The following ACOT7 variants were observed in gnomAD, a reference collection of about 807,000 sequenced individuals.
ACOT7 encodes acyl-CoA thioesterase 7.
Under a neutral mutation model 40.2 loss-of-function variants are expected in ACOT7, and 12 were observed. That is an observed-to-expected ratio of 0.30 (90% CI 0.19 to 0.48). The LOEUF (loss-of-function observed/expected upper bound fraction) is 0.48, where lower values mean the gene tolerates loss of function less well. Among genes scored for constraint, ACOT7 ranks in the 20% least tolerant of loss-of-function variants. ACOT7 has a pLI of 0.99. For synonymous variants in ACOT7, 228 were observed against 219.5 expected, an observed-to-expected ratio of 1.04 and a Z score of -0.34; for missense variants, 395 against 530.8, an observed-to-expected ratio of 0.74 and a Z score of 2.51.
At chr1:6,326,931 CAA>C (rs1163224507) in intron 5 of ACOT7, among the ~76,000 whole-genome samples, 21 of 61,124 alleles carry the variant, frequency 3.4e-4, no homozygotes, top group Admixed American at 3.7e-4. Flanking sequence ...GACTCCAACT[CAA>C]AAAAAAAAAA....
At chr1:6,283,430 G>A (rs1639410737) in intron 7 of ACOT7, among the ~76,000 whole-genome samples, 1 of 152,140 alleles carries the variant, frequency 6.6e-6, no homozygotes, top group Admixed American at 6.5e-5. Flanking sequence ...CCAAATTGCT[G>A]GGATTATAAT....
intron 6 of ACOT7, among the ~76,000 whole-genome samples, chr1:6,297,061 C>T (rs945991708): frequency 7.9e-5 from 12 of 151,158 alleles, no homozygotes; most frequent in Admixed American, 1.3e-4. Flanking sequence ...TTTTTTGACG[C>T]GGAGTCTCGC....
rs555394510 is a variant in ACOT7, at chr1:6,284,647, G to A, written c.830-3361C>T. On this transcript the variant is annotated intron_variant, in intron 7 of 8. Transcript: ENST00000361521. ...GGCACTTTGTCAACCCCAGGATGGC[G>A]GCTGAGGCGCACACCAAATCCTCTC... Among the ~76,000 whole-genome samples, 39 of 151,130 alleles carry A rather than the reference G, an allele frequency of 2.6e-4. No homozygotes were observed. The Middle Eastern group carries it at 0.01, about 41-fold the overall frequency.
intron 1 of ACOT7, chr1:6,385,917 G>T: frequency 9.1e-7 from 1 of 1,103,456 alleles, no homozygotes; most frequent in Non-Finnish European, 1.2e-6. Flanking sequence ...CCATGACTCG[G>T]CCTGAACTCA....
At chr1:6,335,587 G>A (rs534964150) in intron 3 of ACOT7, among the ~76,000 whole-genome samples, 1 of 152,320 alleles carries the variant, frequency 6.6e-6, no homozygotes, top group South Asian at 2.1e-4. Flanking sequence ...AAGGGAGACA[G>A]GAGCAGCCCC....
intron 7 of ACOT7, among the ~76,000 whole-genome samples, chr1:6,287,229 C>T (rs1639529217): frequency 6.6e-6 from 1 of 152,258 alleles, no homozygotes; most frequent in African/African-American, 2.4e-5. Context: ...CTTCATCACT[C>T]ACACTCGAGG....
intron 6 of ACOT7, 51 bp from the exon 7 acceptor site, chr1:6,295,031 A>G: frequency 2.1e-6 from 3 of 1,414,430 alleles, no homozygotes; most frequent in Non-Finnish European, 3.0e-6. Context: ...AGAGGAGATT[A>G]TTTCACACCC....
chr1:6,378,003 G>C (rs1642266323), intron 1 of ACOT7, among the ~76,000 whole-genome samples: 1 of 152,166 alleles, frequency 6.6e-6, no homozygotes, highest in African/African-American at 2.4e-5. Flanking sequence ...CTGGGAGGTG[G>C]AGCTTGCAGT....
rs1640168793 is a variant in ACOT7 at position 6,306,784 on chromosome 1, G to A, written c.712+11708C>T. Reference sequence around the variant, plus strand: ...CAACACTGAGGGTCTGGTGTGTTGTGTCCCACGTAGCAGTGGGGGCTCCGG... The same window carrying A: ...CAACACTGAGGGTCTGGTGTGTTGTATCCCACGTAGCAGTGGGGGCTCCGG... On this transcript the variant is annotated intron_variant, in intron 6 of 8. Coordinates refer to ENST00000361521, the MANE Select transcript of ACOT7 (RefSeq NM_007274.4). This position sits in a 1 kb window ranked among gnomAD's most constrained non-coding sequence, Gnocchi z 4.3. 1 of 1,287,582 alleles carries A rather than the reference G, an allele frequency of 7.8e-7. No individual in the cohort carries two copies. The highest frequency in any genetic ancestry group is 1.0e-6 in the Non-Finnish European group (1 of 987,626). 79.8% of individuals were successfully genotyped at this position (1,287,582 alleles called of 1,614,324 possible).
chr1:6,306,129 G>C lies in ACOT7; in HGVS notation c.713-11149C>G, dbSNP rs1022852248. ...AGGCAGGGAGGTTGCAGTGAGCCAA[G>C]ATGGCAGCAGCACAGTCCAGCTTCG... is the stretch of plus-strand genomic sequence containing the variant. On this transcript the variant is annotated intron_variant, in intron 6 of 8. Transcript: ENST00000361521. The surrounding 1 kb of genome is among the most constrained non-coding windows in gnomAD (Gnocchi z 4.3). The C allele has an allele frequency of 9.0e-5, 56 of 618,850 alleles. 1 individual carries two copies. In the South Asian group the frequency reaches 3.8e-3, roughly 42 times the overall value. 38.3% of individuals were successfully genotyped at this position (618,850 alleles called of 1,614,324 possible). A position where few individuals can be genotyped will look rare whatever the true frequency, so the allele number is the denominator to read the frequency against.
At position 6,352,408 on chromosome 1, in the gene ACOT7, A is replaced by C. The variant is rs1641615760; in HGVS notation, c.144-2542T>G. On this transcript the variant is annotated intron_variant, in intron 1 of 8. Transcript: ENST00000361521. The surrounding 1 kb of genome is among the most constrained non-coding windows in gnomAD (Gnocchi z 4.5). ...AAACAGCTCAGGAACCGCTGGATCC[A>C]GCCAGCCTCCAGGACCCATAAACAG... 6.6e-6 allele frequency among the ~76,000 whole-genome samples: 1 copy of C among 151,970 alleles called. No homozygotes were observed. The highest frequency in any genetic ancestry group is 2.4e-5 in the African/African-American group (1 of 41,358).
intron 1 of ACOT7, among the ~76,000 whole-genome samples, chr1:6,380,586 CA>C (rs58196406): frequency 0.29 from 24,815 of 85,156 alleles, 3,142 homozygotes; most frequent in African/African-American, 0.48. Context: ...AAGACCGTCT[CA>C]AAAAAAAAAA....
At chr1:6,381,245 A>G (rs1418843136) in intron 1 of ACOT7, among the ~76,000 whole-genome samples, 1 of 151,994 alleles carries the variant, frequency 6.6e-6, no homozygotes, top group African/African-American at 2.4e-5. Context: ...GGATATGTAT[A>G]TAACATGCAC....
At chr1:6,332,072 C>T (rs545343365) in intron 4 of ACOT7, among the ~76,000 whole-genome samples, 2 of 152,336 alleles carry the variant, frequency 1.3e-5, no homozygotes, top group African/African-American at 4.8e-5. Context: ...CCAAGGCTGC[C>T]GGCAGCGGCA....
At position 6,338,943 on chromosome 1, in the gene ACOT7, T is replaced by C. The variant is rs1270184529; in HGVS notation, c.418+490A>G. Among the ~76,000 whole-genome samples the C allele has an allele frequency of 6.6e-6, 1 of 152,106 alleles. No homozygotes were observed. Among genetic ancestry groups the C allele is most frequent in the Non-Finnish European group, 1.5e-5 (1 of 68,004 alleles). ...ATGGCCAAGGAGGAGAATATTCAGA[T>C]GAAAGCAGAGGCAAAGGTTCACCCA... is the stretch of plus-strand genomic sequence containing the variant. On this transcript the variant is annotated intron_variant, in intron 3 of 8. Coordinates refer to ENST00000361521, the MANE Select transcript of ACOT7 (RefSeq NM_007274.4). The surrounding 1 kb of genome is among the most constrained non-coding windows in gnomAD (Gnocchi z 4.4).
chr1:6,273,171 C>T (rs1278004220), intron 8 of ACOT7, among the ~76,000 whole-genome samples: 1 of 152,214 alleles, frequency 6.6e-6, no homozygotes, highest in African/African-American at 2.4e-5. Flanking sequence ...GTGTGGCTGT[C>T]TGGACACAGT....
chr1:6,383,033 C>G (rs1369051096), intron 1 of ACOT7, among the ~76,000 whole-genome samples: 3 of 147,678 alleles, frequency 2.0e-5, no homozygotes, highest in Non-Finnish European at 1.5e-5. Flanking sequence ...CGTGGGCTAC[C>G]ACGCCCAGCT....
chr1:6,327,047 C>T (rs997846676), intron 5 of ACOT7, among the ~76,000 whole-genome samples: 1 of 152,186 alleles, frequency 6.6e-6, no homozygotes, highest in Non-Finnish European at 1.5e-5. Flanking sequence ...GGAGGCCCCA[C>T]GCACAGTGCC....
At chr1:6,279,636 A>G (rs1343126765) in intron 8 of ACOT7, among the ~76,000 whole-genome samples, 1 of 152,178 alleles carries the variant, frequency 6.6e-6, no homozygotes, top group African/African-American at 2.4e-5. Context: ...CTCATCCATC[A>G]AGTCCAGGTT....
Sources: allele counts gnomAD v4.1 joint callset (sites outside exome capture counted in the v4.1 genomes callset), GRCh38; gene constraint gnomAD v4.1.1; non-coding constraint Gnocchi (gnomAD v3.1); transcripts MANE v1.5; gene names NCBI Gene and HGNC (gene_info 2026-07-23, HGNC 2026-07-21).